Variants in CACNA2D3 observed in about 807,000 individuals in gnomAD.
The protein encoded by CACNA2D3 is calcium voltage-gated channel auxiliary subunit alpha2delta 3.
CACNA2D3 carries 60 observed loss-of-function variants against 160.6 expected under a neutral mutation model. The ratio of observed to expected loss-of-function variants is 0.37; its 90% CI spans 0.30 to 0.46. The LOEUF (loss-of-function observed/expected upper bound fraction) is 0.46, where lower values mean the gene tolerates loss of function less well. Ranked by LOEUF, CACNA2D3 falls within the 20% of genes least tolerant of loss-of-function variation. The pLI, the probability that CACNA2D3 is intolerant of heterozygous loss-of-function variation, is 1.00. For synonymous variants in CACNA2D3, 558 were observed against 492.9 expected (o/e 1.13, Z -1.75); for missense variants, 1,205 against 1,365.0 (o/e 0.88, Z 1.85).
chr3:54,885,359 C>A (rs184128487), intron 22 of CACNA2D3, 33 bp downstream of exon 22: 1 of 1,612,402 alleles, frequency 6.2e-7, no homozygotes, highest in African/African-American at 1.3e-5. Context: ...TTGACCATGG[C>A]ATCCTTCATT....
At chr3:55,051,554 T>C (rs1444218821) in intron 35 of CACNA2D3, among the ~76,000 whole-genome samples, 1 of 151,678 alleles carries the variant, frequency 6.6e-6, no homozygotes, top group African/African-American at 2.4e-5. Flanking sequence ...ACTGCTGTCT[T>C]TTTGTTTGTC....
At position 54,739,457 on chromosome 3, in the gene CACNA2D3, CACACA is replaced by C. The variant is rs1701601288; in HGVS notation, c.1168-13141_1168-13137del. Among the ~76,000 whole-genome samples, 4 of 140,842 alleles carry C rather than the reference CACACA, an allele frequency of 2.8e-5. No individual in the cohort carries two copies. In the South Asian group the frequency reaches 8.8e-4, roughly 31 times the overall value. 92.4% of individuals were successfully genotyped at this position (140,842 alleles called of 152,430 possible). ...AAAAAAAAAACAAAAAAAAAAACCA[CACACA>C]CACACACACAAACAAAAAATAACAT... On this transcript the variant is annotated intron_variant, in intron 11 of 37. Coordinates refer to ENST00000474759, the MANE Select transcript of CACNA2D3 (RefSeq NM_018398.3).
intron 34 of CACNA2D3, 59 bp downstream of exon 34, chr3:55,009,502 C>A: frequency 6.9e-7 from 1 of 1,453,152 alleles, no homozygotes; most frequent in Non-Finnish European, 9.7e-7. Flanking sequence ...GGTTCACTGG[C>A]TACTTTTCAT....
At chr3:54,767,595 A>T (rs1702248266) in intron 13 of CACNA2D3, among the ~76,000 whole-genome samples, 1 of 152,096 alleles carries the variant, frequency 6.6e-6, no homozygotes, top group African/African-American at 2.4e-5. Flanking sequence ...TCTGGCTTCT[A>T]AAAAACACTC....
intron 13 of CACNA2D3, among the ~76,000 whole-genome samples, chr3:54,801,420 C>G (rs1468650857): frequency 1.3e-5 from 2 of 151,974 alleles, no homozygotes; most frequent in Non-Finnish European, 2.9e-5. Flanking sequence ...TGTGCAATAC[C>G]CTTTAACCAG....
intron 2 of CACNA2D3, among the ~76,000 whole-genome samples, chr3:54,282,407 A>G (rs1341671522): frequency 6.6e-6 from 1 of 152,236 alleles, no homozygotes; most frequent in Non-Finnish European, 1.5e-5. Flanking sequence ...TTAGCCAGCA[A>G]CAAACCATCA....
At chr3:54,294,870 A>G (rs1447826013) in intron 2 of CACNA2D3, among the ~76,000 whole-genome samples, 1 of 152,120 alleles carries the variant, frequency 6.6e-6, no homozygotes, top group Non-Finnish European at 1.5e-5. Flanking sequence ...CTTGCTTTAG[A>G]GAAGTCAGGG....
chr3:54,469,818 A>G (rs138828296), intron 4 of CACNA2D3, among the ~76,000 whole-genome samples: 2,957 of 152,170 alleles, frequency 0.019, 78 homozygotes, highest in East Asian at 0.11. Context: ...ATCAAGCGGA[A>G]GAAAGGATAT....
intron 4 of CACNA2D3, among the ~76,000 whole-genome samples, chr3:54,434,057 T>C (rs544348504): frequency 9.9e-5 from 15 of 152,258 alleles, no homozygotes; most frequent in African/African-American, 3.1e-4. Flanking sequence ...TGGGTGGTGT[T>C]TGCATGGCTG....
At chr3:54,768,114 G>A (rs554920144) in intron 13 of CACNA2D3, among the ~76,000 whole-genome samples, 17 of 152,180 alleles carry the variant, frequency 1.1e-4, no homozygotes, top group Middle Eastern at 3.4e-3. Context: ...TGATGAGCAG[G>A]GTATTTTTAT....
intron 18 of CACNA2D3, among the ~76,000 whole-genome samples, chr3:54,874,016 A>G (rs1454287115): frequency 2.0e-5 from 3 of 152,176 alleles, no homozygotes; most frequent in African/African-American, 7.2e-5. Context: ...AGCACAGCCC[A>G]CTGAGGAAGA....
chr3:54,344,011 TGC>T (rs1698411866), intron 3 of CACNA2D3, among the ~76,000 whole-genome samples: 1 of 152,212 alleles, frequency 6.6e-6, no homozygotes, highest in Admixed American at 6.5e-5. Flanking sequence ...GATAGAAATA[TGC>T]ATTTTAAAAA....
intron 27 of CACNA2D3, among the ~76,000 whole-genome samples, chr3:54,927,251 G>A (rs931521859): frequency 7.9e-5 from 12 of 152,148 alleles, no homozygotes; most frequent in African/African-American, 2.9e-4. Flanking sequence ...TAGGGCAATA[G>A]GGAAGATGTT....
intron 4 of CACNA2D3, among the ~76,000 whole-genome samples, chr3:54,456,827 A>G (rs985667186): frequency 7.2e-5 from 11 of 151,774 alleles, no homozygotes; most frequent in South Asian, 6.2e-4. Flanking sequence ...CAAAATCTTT[A>G]TAAGTTGTAT....
chr3:54,653,135 C>T (rs1332131836), intron 11 of CACNA2D3, among the ~76,000 whole-genome samples: 2 of 152,076 alleles, frequency 1.3e-5, no homozygotes, highest in Non-Finnish European at 2.9e-5. Flanking sequence ...CAGAAGGGCT[C>T]TCTGGCAACT....
At chr3:54,451,556 C>G (rs540059464) in intron 4 of CACNA2D3, among the ~76,000 whole-genome samples, 1 of 152,120 alleles carries the variant, frequency 6.6e-6, no homozygotes, top group Non-Finnish European at 1.5e-5. Context: ...TGATTGGGTT[C>G]ACGAGTCACA....
chr3:54,679,551 G>A (rs1346215505), intron 11 of CACNA2D3, among the ~76,000 whole-genome samples: 3 of 152,096 alleles, frequency 2.0e-5, no homozygotes, highest in Non-Finnish European at 2.9e-5. Flanking sequence ...TCCATTCTTT[G>A]TGCAATGTCA....
At chr3:54,554,926 G>A (rs1382695324) in intron 5 of CACNA2D3, among the ~76,000 whole-genome samples, 1 of 131,698 alleles carries the variant, frequency 7.6e-6, no homozygotes, top group Non-Finnish European at 1.5e-5. Context: ...CCAGTCTGGA[G>A]TCCAGTAGTG....
At chr3:54,146,599 G>C (rs536921635) in intron 2 of CACNA2D3, among the ~76,000 whole-genome samples, 29 of 152,334 alleles carry the variant, frequency 1.9e-4, no homozygotes, top group African/African-American at 7.0e-4. Context: ...GGGGAAGGGG[G>C]GCGTGGCCTA....
Sources: gnomAD v4.1 joint callset for allele counts (sites outside exome capture counted in the v4.1 genomes callset) on GRCh38, gnomAD v4.1.1 for gene constraint, MANE v1.5 for transcripts, NCBI Gene and HGNC (gene_info 2026-07-23, HGNC 2026-07-21) for gene names.